PLEKHA5: variants seen among roughly 807,000 people sequenced by gnomAD.
The protein encoded by PLEKHA5 is pleckstrin homology domain-containing family A member 5.
A neutral mutation model predicts 181.9 loss-of-function variants in PLEKHA5; 55 were observed. The observed-to-expected ratio is 0.30, with a 90% CI of 0.24 to 0.38. PLEKHA5 has a LOEUF of 0.38. Ranked by LOEUF, PLEKHA5 falls within the 10% of genes least tolerant of loss-of-function variation. PLEKHA5 has a pLI of 1.00. For synonymous variants in PLEKHA5, 535 were observed against 529.4 expected (o/e 1.01, Z -0.15); for missense variants, 1,432 against 1,549.5 (o/e 0.92, Z 1.27).
chr12:19,282,502 A>G (rs1478209858), intron 11 of PLEKHA5, among the ~76,000 whole-genome samples: 1 of 152,232 alleles, frequency 6.6e-6, no homozygotes, highest in African/African-American at 2.4e-5. Flanking sequence ...AAATAACCAT[A>G]CTTCCTGAAA....
chr12:19,376,242 C>G lies in PLEKHA5; in HGVS notation c.*723C>G, dbSNP rs902369185. On this transcript the variant is annotated 3_prime_UTR_variant, in exon 32 of 32. Transcript: ENST00000429027. ...ACAGCAATAAGCAGGTTTCCAAATC[C>G]GGTACTTAGTTTGTGTACAAATGTA... 1 of 151,940 alleles carries G rather than the reference C, an allele frequency of 6.6e-6. No individual in the cohort carries two copies. The allele number at this position is 151,940 out of a possible 1,614,324, so 9.4% of individuals were successfully genotyped here. A position where few individuals can be genotyped will look rare whatever the true frequency, so the allele number is the denominator to read the frequency against.
chr12:19,372,800 G>A (rs2095617390), intron 31 of PLEKHA5: 1 of 149,722 alleles, frequency 6.7e-6, no homozygotes, highest in African/African-American at 2.5e-5. Flanking sequence ...TTGAGACCAG[G>A]TCTCACCCTG....
chr12:19,292,643 T>C (rs1278161748), intron 15 of PLEKHA5, among the ~76,000 whole-genome samples: 5 of 150,918 alleles, frequency 3.3e-5, no homozygotes, highest in Non-Finnish European at 1.5e-5. Context: ...TGTTCAAAAG[T>C]GAAAATGGCA....
At chr12:19,180,865 A>G (rs2048378231) in intron 3 of PLEKHA5, among the ~76,000 whole-genome samples, 1 of 151,730 alleles carries the variant, frequency 6.6e-6, no homozygotes, top group Non-Finnish European at 1.5e-5. Flanking sequence ...TACGGCTCCT[A>G]AAAAACATCA....
intron 27 of PLEKHA5, 90 bp from the exon 28 acceptor site, chr12:19,359,322 T>C (rs748385613): frequency 1.8e-5 from 21 of 1,141,230 alleles, no homozygotes; most frequent in Non-Finnish European, 2.5e-5. Flanking sequence ...GATCCAGCTT[T>C]GTTCTATTTT....
At chr12:19,202,137 C>T (rs1305685933) in intron 3 of PLEKHA5, 1 of 335,700 alleles carries the variant, frequency 3.0e-6, no homozygotes, top group Non-Finnish European at 4.2e-6. Flanking sequence ...GCTGAGTTCA[C>T]TGCCTTTTAG....
chr12:19,182,027 T>C (rs1044640541), intron 3 of PLEKHA5, among the ~76,000 whole-genome samples: 3 of 152,302 alleles, frequency 2.0e-5, no homozygotes, highest in East Asian at 1.9e-4. Flanking sequence ...TTCTATCTTA[T>C]GGTTTCAGTA....
At chr12:19,177,413 A>G (rs1332566044) in intron 3 of PLEKHA5, among the ~76,000 whole-genome samples, 3 of 152,206 alleles carry the variant, frequency 2.0e-5, no homozygotes, top group Admixed American at 2.0e-4. Context: ...TCCTCATAAC[A>G]GAACATATAA....
At chr12:19,251,940 C>T (rs549659577) in intron 3 of PLEKHA5, among the ~76,000 whole-genome samples, 41 of 152,014 alleles carry the variant, frequency 2.7e-4, no homozygotes, top group Non-Finnish European at 5.6e-4. Context: ...ATGGTCAGGA[C>T]CTAACAGTGA....
At chr12:19,269,320 G>A (rs1220613574) in intron 8 of PLEKHA5, among the ~76,000 whole-genome samples, 1 of 149,032 alleles carries the variant, frequency 6.7e-6, no homozygotes, top group African/African-American at 2.5e-5. Flanking sequence ...CAGGGAGGCA[G>A]ATGTTGCAGT....
At chr12:19,323,122 C>T (rs1469853159) in intron 20 of PLEKHA5, among the ~76,000 whole-genome samples, 4 of 150,522 alleles carry the variant, frequency 2.7e-5, no homozygotes, top group Non-Finnish European at 5.9e-5. Context: ...CTTGGCCTGC[C>T]AAAGTGCTGC....
chr12:19,155,595 G>A (rs529592573), intron 3 of PLEKHA5, among the ~76,000 whole-genome samples: 2 of 152,228 alleles, frequency 1.3e-5, no homozygotes, highest in African/African-American at 2.4e-5. Context: ...TGCAATTGAA[G>A]GTAACAGTTT....
chr12:19,355,439 A>G (rs954099908), intron 26 of PLEKHA5, among the ~76,000 whole-genome samples: 2 of 149,948 alleles, frequency 1.3e-5, no homozygotes, highest in Non-Finnish European at 3.0e-5. Context: ...GCAGCCTCCA[A>G]CTCGTGGACT....
At chr12:19,324,404 T>G (rs1404419764) in intron 20 of PLEKHA5, among the ~76,000 whole-genome samples, 1 of 152,192 alleles carries the variant, frequency 6.6e-6, no homozygotes, top group African/African-American at 2.4e-5. Context: ...TAATATCCTT[T>G]CCATTGTGAG....
chr12:19,145,210 G>A (rs2038583724), intron 3 of PLEKHA5, among the ~76,000 whole-genome samples: 1 of 152,078 alleles, frequency 6.6e-6, no homozygotes, highest in Admixed American at 6.6e-5. Context: ...GAGAGACAGA[G>A]ATTTTATGTG....
chr12:19,226,105 T>C (rs2059649270), intron 3 of PLEKHA5, among the ~76,000 whole-genome samples: 1 of 152,204 alleles, frequency 6.6e-6, no homozygotes, highest in Admixed American at 6.5e-5. Flanking sequence ...AATGCAACCA[T>C]CACCTCTATC....
Position 19,360,579 on chromosome 12 carries a change from C to A in PLEKHA5, c.3484-1003C>A, listed in dbSNP as rs114104299. Among the ~76,000 whole-genome samples the A allele has an allele frequency of 6.4e-3, 960 of 149,970 alleles. 10 individuals carry two copies. The highest frequency in any genetic ancestry group is 0.023 in the African/African-American group (927 of 40,686). Reference sequence around the variant, plus strand: ...AGATCGCGCCACACTACCCTGCAGCCTGGAGGACAGAGTGAGATTCCGTCT... The same window carrying A: ...AGATCGCGCCACACTACCCTGCAGCATGGAGGACAGAGTGAGATTCCGTCT... On this transcript the variant is annotated intron_variant, in intron 28 of 31. Transcript: ENST00000429027.
At chr12:19,314,328 A>G (rs1423263106) in intron 15 of PLEKHA5, among the ~76,000 whole-genome samples, 1 of 152,194 alleles carries the variant, frequency 6.6e-6, no homozygotes, top group East Asian at 1.9e-4. Flanking sequence ...TTAATAAAAT[A>G]TGTGATTAAG....
chr12:19,129,947 C>A (rs1192523433), intron 1 of PLEKHA5, 59 bp downstream of exon 1: 1 of 1,506,676 alleles, frequency 6.6e-7, no homozygotes, highest in East Asian at 2.4e-5. Context: ...AGGCGGGCGG[C>A]TGGCGACACG....
Sources: allele counts gnomAD v4.1 joint callset (sites outside exome capture counted in the v4.1 genomes callset), GRCh38; gene constraint gnomAD v4.1.1; transcripts MANE v1.5; gene names NCBI Gene and HGNC (gene_info 2026-07-23, HGNC 2026-07-21).